Variants in MAF observed in about 807,000 individuals in gnomAD.
MAF encodes MAF bZIP transcription factor.
Under a neutral mutation model 22.0 loss-of-function variants are expected in MAF, and 10 were observed. The observed-to-expected ratio is 0.45, with a 90% CI of 0.28 to 0.77. MAF has a LOEUF of 0.77. Ranked by LOEUF, MAF falls within the 30% of genes least tolerant of loss-of-function variation. MAF has a pLI of 0.12. For missense variants in MAF, 544 were observed against 548.4 expected (o/e 0.99, Z 0.08); for synonymous variants, 337 against 255.8 (o/e 1.32, Z -3.03).
the MAF span, among the ~76,000 whole-genome samples, chr16:79,241,001 AC>A: frequency 6.6e-6 from 1 of 152,112 alleles, no homozygotes; most frequent in African/African-American, 2.4e-5. Context: ...ATCAACATCA[AC>A]AAAAAGACAT....
chr16:79,593,097 CA>C (rs1379409390), downstream of MAF, among the ~76,000 whole-genome samples: 3 of 151,794 alleles, frequency 2.0e-5, no homozygotes, highest in South Asian at 6.2e-4. Flanking sequence ...AACAAACAAA[CA>C]AAAAACAAAA....
chr16:79,510,397 G>C, the MAF span, among the ~76,000 whole-genome samples: 1 of 152,170 alleles, frequency 6.6e-6, no homozygotes, highest in African/African-American at 2.4e-5. Context: ...ACTGGTCCTG[G>C]AGGTGTGGTA....
downstream of MAF, among the ~76,000 whole-genome samples, chr16:79,589,641 T>C (rs1913066030): frequency 6.6e-6 from 1 of 152,176 alleles, no homozygotes; most frequent in Non-Finnish European, 1.5e-5. Context: ...GGCGGAGCCT[T>C]GCGGGACCGA....
chr16:79,514,983 C>T, the MAF span, among the ~76,000 whole-genome samples: 1 of 152,134 alleles, frequency 6.6e-6, no homozygotes, highest in African/African-American at 2.4e-5. Flanking sequence ...CCACCATTAC[C>T]GTGCTCAAGT....
At chr16:79,572,477 C>T in the MAF span, among the ~76,000 whole-genome samples, 3 of 152,206 alleles carry the variant, frequency 2.0e-5, no homozygotes, top group East Asian at 5.8e-4. Context: ...ATTCAATTAA[C>T]GCACATACGT....
the MAF span, among the ~76,000 whole-genome samples, chr16:79,239,651 C>A: frequency 6.6e-6 from 1 of 152,048 alleles, no homozygotes; most frequent in Admixed American, 6.6e-5. Context: ...GCATGTCTCA[C>A]AGCTGGGAAT....
At chr16:79,237,082 G>A in the MAF span, among the ~76,000 whole-genome samples, 1 of 152,088 alleles carries the variant, frequency 6.6e-6, no homozygotes, top group South Asian at 2.1e-4. Flanking sequence ...TCAGTTAAAG[G>A]CCAGTGGCCA....
the MAF span, among the ~76,000 whole-genome samples, chr16:79,311,274 C>T: frequency 2.6e-5 from 4 of 152,014 alleles, no homozygotes; most frequent in Non-Finnish European, 5.9e-5. Context: ...TTTCTTTCCC[C>T]TCTAAACCAG....
At chr16:79,229,078 G>C in the MAF span, among the ~76,000 whole-genome samples, 41 of 151,876 alleles carry the variant, frequency 2.7e-4, no homozygotes, top group Non-Finnish European at 2.7e-4. Flanking sequence ...TCTCACCCAC[G>C]GAGCTGTGTG....
At chr16:79,396,946 C>T in the MAF span, among the ~76,000 whole-genome samples, 2 of 152,242 alleles carry the variant, frequency 1.3e-5, no homozygotes, top group Non-Finnish European at 2.9e-5. Flanking sequence ...AGCCTGGGCA[C>T]TCCAGGCCAG....
the MAF span, among the ~76,000 whole-genome samples, chr16:79,279,705 C>T: frequency 2.6e-5 from 4 of 152,296 alleles, no homozygotes; most frequent in African/African-American, 7.2e-5. Context: ...TGTTGCCTCG[C>T]GCAGGGGTTC....
At chr16:79,529,516 A>T in the MAF span, among the ~76,000 whole-genome samples, 18 of 152,318 alleles carry the variant, frequency 1.2e-4, no homozygotes, top group African/African-American at 4.3e-4. Context: ...GGGCACTAAT[A>T]ATAACAACAA....
the MAF span, among the ~76,000 whole-genome samples, chr16:79,231,776 G>A: frequency 6.6e-6 from 1 of 152,062 alleles, no homozygotes; most frequent in Non-Finnish European, 1.5e-5. Context: ...GATGATTTAA[G>A]CACGTTACAT....
chr16:79,549,521 A>G, the MAF span, among the ~76,000 whole-genome samples: 1 of 152,228 alleles, frequency 6.6e-6, no homozygotes, highest in Admixed American at 6.5e-5. Context: ...GGTTTCAGCA[A>G]GAGACTGAAC....
chr16:79,494,128 T>G, the MAF span, among the ~76,000 whole-genome samples: 1 of 152,198 alleles, frequency 6.6e-6, no homozygotes, highest in East Asian at 1.9e-4. Context: ...TTTCCATTGC[T>G]GCCATAACAA....
At chr16:79,332,022 A>G in the MAF span, among the ~76,000 whole-genome samples, 1 of 152,228 alleles carries the variant, frequency 6.6e-6, no homozygotes, top group African/African-American at 2.4e-5. Flanking sequence ...ACTTTAGAAC[A>G]TCTGCTCTAG....
In MAF at chr16:79,595,987, T is replaced by G. The variant is rs377004741; in HGVS notation, c.1119-1434A>C. 6.5e-5 allele frequency: 69 copies of G among 1,060,788 alleles called. No individual in the cohort carries two copies. The East Asian group carries it at 1.4e-3, about 22-fold the overall frequency. The allele number at this position is 1,060,788 out of a possible 1,614,324, so 65.7% of individuals were successfully genotyped here. ...TGTTTATGTTAAATCTTGTCAGGCC[T>G]TGCTAACAAGAAAATCTCGGTGTGT... On this transcript the variant is annotated intron_variant, in intron 1 of 1. Transcript: ENST00000326043.
the MAF span, among the ~76,000 whole-genome samples, chr16:79,248,536 G>A: frequency 6.6e-6 from 1 of 152,072 alleles, no homozygotes; most frequent in Admixed American, 6.6e-5. Context: ...AACATGGGTT[G>A]GACTGATCTG....
chr16:79,268,875 A>T, the MAF span, among the ~76,000 whole-genome samples: 453 of 152,314 alleles, frequency 3.0e-3, 3 homozygotes, highest in African/African-American at 9.9e-3. Context: ...CCAGTGGTAT[A>T]GCCCTGGGCA....
Sources: allele counts gnomAD v4.1 joint callset (sites outside exome capture counted in the v4.1 genomes callset), GRCh38; gene constraint gnomAD v4.1.1; transcripts MANE v1.5; gene names NCBI Gene and HGNC (gene_info 2026-07-23, HGNC 2026-07-21).